The following ATXN1 variants were observed in gnomAD, a reference collection of about 807,000 sequenced individuals.
ATXN1 encodes ataxin-1.
Under a neutral mutation model 56.4 loss-of-function variants are expected in ATXN1, and 8 were observed. The observed-to-expected ratio is 0.14, with a 90% CI of 0.08 to 0.26. The LOEUF (loss-of-function observed/expected upper bound fraction) is 0.26. Ranked by LOEUF, ATXN1 falls within the 10% of genes least tolerant of loss-of-function variation. The probability of loss-of-function intolerance (pLI) is 1.00; values close to 1 mark genes in which losing one functional copy is unlikely to be tolerated. For synonymous variants in ATXN1, 514 were observed against 494.6 expected, an observed-to-expected ratio of 1.04 and a Z score of -0.52; for missense variants, 987 against 1,106.5, an observed-to-expected ratio of 0.89 and a Z score of 1.53.
At chr6:16,700,911 C>T (rs905413196) in intron 2 of ATXN1, among the ~76,000 whole-genome samples, 20 of 152,088 alleles carry the variant, frequency 1.3e-4, no homozygotes, top group African/African-American at 4.6e-4. Flanking sequence ...GGGACAATTA[C>T]TATCACCTTT....
At chr6:16,706,088 A>G (rs1759400328) in intron 2 of ATXN1, among the ~76,000 whole-genome samples, 1 of 151,890 alleles carries the variant, frequency 6.6e-6, no homozygotes, top group Non-Finnish European at 1.5e-5. Flanking sequence ...ATATAATACT[A>G]TTTTGCACTT....
intron 2 of ATXN1, among the ~76,000 whole-genome samples, chr6:16,710,818 G>A (rs1759507547): frequency 6.6e-6 from 1 of 152,002 alleles, no homozygotes; most frequent in Non-Finnish European, 1.5e-5. Context: ...AAACTCCTGA[G>A]CTCAAGCAAT....
rs534441926 is a variant in ATXN1 at position 16,443,919 on chromosome 6, A to G, written c.-161+42053T>C. 3.7e-3 allele frequency among the ~76,000 whole-genome samples: 556 copies of G among 152,268 alleles called. 4 individuals are homozygous for G. The highest frequency in any genetic ancestry group is 0.013 in the African/African-American group (529 of 41,558). On this transcript the variant is annotated intron_variant, in intron 6 of 7. Coordinates refer to ENST00000436367, the MANE Select transcript of ATXN1 (RefSeq NM_001128164.2). ...ATCACAAGGTCAGGAGATCGAGACC[A>G]TCCTGGCTAACACAGTGAAACCCCG... is the stretch of plus-strand genomic sequence containing the variant.
At chr6:16,690,168 T>C (rs1759015866) in intron 2 of ATXN1, among the ~76,000 whole-genome samples, 1 of 152,138 alleles carries the variant, frequency 6.6e-6, no homozygotes, top group Non-Finnish European at 1.5e-5. Context: ...CAAGTGACCC[T>C]TTGGCTGGGA....
intron 4 of ATXN1, among the ~76,000 whole-genome samples, chr6:16,549,913 A>AAAAAAGG (rs1399489867): frequency 4.0e-5 from 6 of 150,508 alleles, no homozygotes; most frequent in African/African-American, 1.5e-4. Flanking sequence ...AAAAAAAAAA[A>AAAAAAGG]AAAAGGAATA....
chr6:16,474,356 A>G (rs1760283581), intron 6 of ATXN1, among the ~76,000 whole-genome samples: 1 of 152,214 alleles, frequency 6.6e-6, no homozygotes, highest in Non-Finnish European at 1.5e-5. Context: ...CAAAGTGAAG[A>G]AGCTCAGACT....
chr6:16,644,023 T>C (rs555598372), intron 3 of ATXN1, among the ~76,000 whole-genome samples: 1 of 152,312 alleles, frequency 6.6e-6, no homozygotes, highest in African/African-American at 2.4e-5. Flanking sequence ...TATTGTATGA[T>C]TCCATGTGGT....
At chr6:16,372,879 C>T (rs1762071374) in intron 6 of ATXN1, among the ~76,000 whole-genome samples, 1 of 152,184 alleles carries the variant, frequency 6.6e-6, no homozygotes, top group African/African-American at 2.4e-5. Context: ...TTGCACACTG[C>T]ACTCCAGCTG....
At chr6:16,704,265 A>G (rs1285211447) in intron 2 of ATXN1, among the ~76,000 whole-genome samples, 3 of 152,162 alleles carry the variant, frequency 2.0e-5, no homozygotes, top group Non-Finnish European at 4.4e-5. Context: ...ACTCGGGTGC[A>G]AGAGCAATGG....
chr6:16,346,569 A>G (rs1171177589), intron 6 of ATXN1, among the ~76,000 whole-genome samples: 2 of 152,258 alleles, frequency 1.3e-5, no homozygotes, highest in African/African-American at 4.8e-5. Flanking sequence ...CAGGAAGCAC[A>G]TAGTTGATTC....
intron 2 of ATXN1, among the ~76,000 whole-genome samples, chr6:16,668,763 T>C (rs762350027): frequency 6.6e-6 from 1 of 152,086 alleles, no homozygotes. Flanking sequence ...CAAACTGGTA[T>C]GGAGCTTTTA....
intron 3 of ATXN1, among the ~76,000 whole-genome samples, chr6:16,588,515 T>G (rs1762667902): frequency 6.6e-6 from 1 of 152,212 alleles, no homozygotes; most frequent in Non-Finnish European, 1.5e-5. Context: ...CTCAGTCCTC[T>G]TCTCAAGGGA....
chr6:16,740,456 A>G lies in ATXN1; in HGVS notation c.-615+12777T>C, dbSNP rs1581410795. Among the ~76,000 whole-genome samples the G allele has an allele frequency of 5.3e-5, 8 of 152,336 alleles. 2 individuals carry two copies. The highest frequency in any genetic ancestry group is 5.2e-4 in the Admixed American group (8 of 15,308). Reference sequence around the variant, plus strand: ...CTACACAGAGAAATGATCTGATTGTACAATCTTCCCATCCACAAGGACTTC... The same window carrying G: ...CTACACAGAGAAATGATCTGATTGTGCAATCTTCCCATCCACAAGGACTTC... On this transcript the variant is annotated intron_variant, in intron 2 of 7. Transcript: ENST00000436367.
intron 4 of ATXN1, among the ~76,000 whole-genome samples, chr6:16,573,948 C>T (rs1178477208): frequency 6.6e-6 from 1 of 152,220 alleles, no homozygotes; most frequent in Non-Finnish European, 1.5e-5. Flanking sequence ...CACCCCATTA[C>T]AAATTCTCAG....
At chr6:16,330,021 C>A (rs1445825076) in intron 6 of ATXN1, among the ~76,000 whole-genome samples, 1 of 152,160 alleles carries the variant, frequency 6.6e-6, no homozygotes, top group Non-Finnish European at 1.5e-5. Context: ...AATTCCACAC[C>A]CTTGGGTTTT....
intron 6 of ATXN1, among the ~76,000 whole-genome samples, chr6:16,366,543 G>A (rs2113483337): frequency 6.6e-6 from 1 of 152,316 alleles, no homozygotes; most frequent in East Asian, 1.9e-4. Flanking sequence ...CACTTTGGGA[G>A]GCCGAGGCAG....
intron 6 of ATXN1, among the ~76,000 whole-genome samples, chr6:16,442,620 A>G (rs1228849903): frequency 6.6e-6 from 1 of 152,234 alleles, no homozygotes; most frequent in Non-Finnish European, 1.5e-5. Flanking sequence ...AAGGGTACTA[A>G]GAATTTCAAA....
At chr6:16,531,546 C>T (rs1761503614) in intron 4 of ATXN1, among the ~76,000 whole-genome samples, 2 of 151,234 alleles carry the variant, frequency 1.3e-5, no homozygotes, top group Non-Finnish European at 2.9e-5. Flanking sequence ...TTGCTTGAAC[C>T]TGGGATGTGG....
intron 3 of ATXN1, among the ~76,000 whole-genome samples, chr6:16,619,721 G>A (rs774985968): frequency 1.3e-5 from 2 of 152,086 alleles, no homozygotes; most frequent in Non-Finnish European, 2.9e-5. Flanking sequence ...TCTGGGGCAT[G>A]CCCTGGAGTC....
Sources: gnomAD v4.1 joint callset for allele counts (sites outside exome capture counted in the v4.1 genomes callset) on GRCh38, gnomAD v4.1.1 for gene constraint, MANE v1.5 for transcripts, NCBI Gene and HGNC (gene_info 2026-07-23, HGNC 2026-07-21) for gene names.